The following FIG4 variants were observed in gnomAD, a reference collection of about 807,000 sequenced individuals.
FIG4 encodes polyphosphoinositide phosphatase.
FIG4 carries 112 observed loss-of-function variants against 118.6 expected under a neutral mutation model. That is an observed-to-expected ratio of 0.94 (90% CI 0.81 to 1.11). The LOEUF (loss-of-function observed/expected upper bound fraction) is 1.11. Among genes scored for constraint, FIG4 ranks in the 50% least tolerant of loss-of-function variants. The probability of loss-of-function intolerance (pLI) is 0.00; values close to 1 mark genes in which losing one functional copy is unlikely to be tolerated. For synonymous variants in FIG4, 369 were observed against 381.2 expected (o/e 0.97, Z 0.37); for missense variants, 969 against 1,111.7 (o/e 0.87, Z 1.83).
At chr6:109,770,750 C>T (rs973959351) in intron 15 of FIG4, among the ~76,000 whole-genome samples, 6 of 152,114 alleles carry the variant, frequency 3.9e-5, no homozygotes, top group Non-Finnish European at 8.8e-5. Flanking sequence ...AACTCACTAT[C>T]GCAAGGAGTG....
chr6:109,714,846 A>G (rs1775378685), intron 1 of FIG4, among the ~76,000 whole-genome samples: 1 of 152,202 alleles, frequency 6.6e-6, no homozygotes, highest in African/African-American at 2.4e-5. Flanking sequence ...TACTGGGCAC[A>G]TTTCAGACAT....
intron 15 of FIG4, among the ~76,000 whole-genome samples, chr6:109,768,794 G>A (rs562379176): frequency 3.3e-5 from 5 of 152,206 alleles, no homozygotes; most frequent in East Asian, 3.9e-4. Flanking sequence ...CCACAAACAC[G>A]GGGGAAATCC....
At chr6:109,727,382 A>C in intron 4 of FIG4, 117 bp downstream of exon 4, 1 of 792,522 alleles carries the variant, frequency 1.3e-6, no homozygotes, top group Admixed American at 2.0e-5. Context: ...TTGGCCTCCC[A>C]GGCTCAAGTA....
intron 15 of FIG4, among the ~76,000 whole-genome samples, chr6:109,775,974 A>G (rs1432185772): frequency 6.6e-6 from 1 of 152,216 alleles, no homozygotes; most frequent in Admixed American, 6.5e-5. Context: ...AAATGCAGTC[A>G]TTTCTACTGT....
chr6:109,709,267 G>A (rs988746898), intron 1 of FIG4, among the ~76,000 whole-genome samples: 45 of 152,180 alleles, frequency 3.0e-4, no homozygotes, highest in African/African-American at 1.0e-3. Flanking sequence ...AGACTAGATA[G>A]TTGTAGATGT....
At chr6:109,736,599 C>T (rs1387506804) in intron 6 of FIG4, among the ~76,000 whole-genome samples, 1 of 152,106 alleles carries the variant, frequency 6.6e-6, no homozygotes, top group Non-Finnish European at 1.5e-5. Context: ...AAATTTGCCC[C>T]ACATGCCATC....
At chr6:109,696,192 G>A (rs1254617019) in intron 1 of FIG4, among the ~76,000 whole-genome samples, 3 of 152,074 alleles carry the variant, frequency 2.0e-5, no homozygotes, top group African/African-American at 7.2e-5. Flanking sequence ...GTTTGTTCAT[G>A]TTTCAATTTT....
intron 15 of FIG4, 104 bp downstream of exon 15, chr6:109,766,999 A>G (rs1258339643): frequency 1.0e-6 from 1 of 969,682 alleles, no homozygotes; most frequent in Non-Finnish European, 1.6e-6. Context: ...TAATATTTTA[A>G]AAGTTTAAAT....
chr6:109,796,218 G>C (rs1201684878), intron 21 of FIG4, among the ~76,000 whole-genome samples: 2 of 152,222 alleles, frequency 1.3e-5, no homozygotes, highest in Non-Finnish European at 2.9e-5. Flanking sequence ...GTTCCTCTTT[G>C]AAGTGGCTAG....
At chr6:109,796,147 T>A (rs1009844875) in intron 21 of FIG4, among the ~76,000 whole-genome samples, 1 of 152,222 alleles carries the variant, frequency 6.6e-6, no homozygotes, top group African/African-American at 2.4e-5. Context: ...TCAAGACCTT[T>A]CAGAAGAGGT....
chr6:109,768,873 T>C (rs1431074182), intron 15 of FIG4, among the ~76,000 whole-genome samples: 1 of 152,168 alleles, frequency 6.6e-6, no homozygotes, highest in East Asian at 1.9e-4. Flanking sequence ...AGAAATGTAT[T>C]TTCTTGCAGT....
chr6:109,786,560 T>C, intron 18 of FIG4, 111 bp downstream of exon 18: 1 of 1,207,442 alleles, frequency 8.3e-7, no homozygotes, highest in South Asian at 1.2e-5. Flanking sequence ...TTCTGTCAGG[T>C]GGGTAGTCCA....
At chr6:109,824,957 A>G (rs1779115357) in intron 22 of FIG4, 131 bp from the exon 23 acceptor site, 11 of 826,408 alleles carry the variant, frequency 1.3e-5, no homozygotes, top group Middle Eastern at 2.2e-4. Context: ...TGGGGAGGTC[A>G]TCCCAGCAGC....
chr6:109,697,690 A>G (rs1015359192), intron 1 of FIG4, among the ~76,000 whole-genome samples: 2 of 152,236 alleles, frequency 1.3e-5, no homozygotes, highest in African/African-American at 2.4e-5. Context: ...GGCCATACGA[A>G]GGACATGAAT....
chr6:109,795,511 T>C (rs1164641551), intron 21 of FIG4, among the ~76,000 whole-genome samples: 1 of 151,740 alleles, frequency 6.6e-6, no homozygotes, highest in African/African-American at 2.4e-5. Context: ...ATGGTAAACT[T>C]TTCCATAGTC....
Position 109,691,514 on chromosome 6 carries a change from T to A in FIG4, c.66+13T>A. ...TGAGACTAGAGCTGTGAGTACCCCC[T>A]CGCGGCGGGGCGCAGGCGGGAGGAT... is the stretch of plus-strand genomic sequence containing the variant. On this transcript the variant is annotated intron_variant, in intron 1 of 22. Coordinates refer to ENST00000230124, the MANE Select transcript of FIG4 (RefSeq NM_014845.6). The A allele has an allele frequency of 6.4e-7, 1 of 1,567,976 alleles. No homozygotes were observed. Among genetic ancestry groups the A allele is most frequent in the African/African-American group, 1.4e-5 (1 of 73,990 alleles).
intron 16 of FIG4, among the ~76,000 whole-genome samples, chr6:109,777,838 A>T (rs890475145): frequency 2.0e-5 from 3 of 152,204 alleles, no homozygotes; most frequent in Non-Finnish European, 4.4e-5. Flanking sequence ...AGGATCAGGT[A>T]GAGTTGAGTT....
Position 109,825,306 on chromosome 6 carries a change from T to TA in FIG4, c.*42dup, listed in dbSNP as rs768252031. The TA allele has an allele frequency of 1.2e-5, 19 of 1,578,514 alleles. No homozygotes were observed. In the South Asian group the frequency reaches 1.9e-4, roughly 16 times the overall value. ...ACCTGGTGGACACGTCTGATTAGCTTAGAACCTGTCTTGTCTCATCTTCAA... is the reference window on the plus strand; with the variant it reads ...ACCTGGTGGACACGTCTGATTAGCTTAAGAACCTGTCTTGTCTCATCTTCAA... On this transcript the variant is annotated 3_prime_UTR_variant, in exon 23 of 23. Coordinates refer to ENST00000230124, the MANE Select transcript of FIG4 (RefSeq NM_014845.6).
chr6:109,768,943 CAG>C lies in FIG4; in HGVS notation c.1750+2053_1750+2054del, dbSNP rs1483414958. Reference sequence around the variant, plus strand: ...CAGGGCCATGCTCCCTCTGAAAACCCAGAGAGGAGAATCCTCATCGGCTACTT... The same window carrying C: ...CAGGGCCATGCTCCCTCTGAAAACCCAGAGGAGAATCCTCATCGGCTACTT... On this transcript the variant is annotated intron_variant, in intron 15 of 22. Coordinates refer to ENST00000230124, the MANE Select transcript of FIG4 (RefSeq NM_014845.6). Among the ~76,000 whole-genome samples the C allele has an allele frequency of 4.6e-5, 7 of 152,112 alleles. No homozygotes were observed. The East Asian group carries it at 1.2e-3, about 25-fold the overall frequency.
Sources: allele counts gnomAD v4.1 joint callset (sites outside exome capture counted in the v4.1 genomes callset), GRCh38; gene constraint gnomAD v4.1.1; transcripts MANE v1.5; gene names NCBI Gene and HGNC (gene_info 2026-07-23, HGNC 2026-07-21).